Variants in STXBP5 observed in about 807,000 individuals in gnomAD.
The protein encoded by STXBP5 is syntaxin binding protein 5.
In STXBP5, 50 loss-of-function variants were observed where a neutral mutation model predicts 152.4. The ratio of observed to expected loss-of-function variants is 0.33; its 90% confidence interval spans 0.26 to 0.42. The LOEUF (loss-of-function observed/expected upper bound fraction) is 0.42. Among genes scored for constraint, STXBP5 ranks in the 10% least tolerant of loss-of-function variants. The pLI is 1.00. For synonymous variants in STXBP5, 492 were observed against 494.7 expected (o/e 0.99, Z 0.07); for missense variants, 1,167 against 1,388.6 (o/e 0.84, Z 2.54).
intron 9 of STXBP5, among the ~76,000 whole-genome samples, chr6:147,308,287 T>A (rs1782197646): frequency 6.6e-6 from 1 of 152,312 alleles, no homozygotes; most frequent in East Asian, 1.9e-4. Flanking sequence ...ATAATTGCAG[T>A]ATGCTGAGAG....
At chr6:147,263,442 T>G (rs1779741422) in intron 6 of STXBP5, among the ~76,000 whole-genome samples, 1 of 151,714 alleles carries the variant, frequency 6.6e-6, no homozygotes, top group Admixed American at 6.6e-5. Context: ...TCCTCCTGCC[T>G]TGTAATCCCA....
At chr6:147,264,162 T>G (rs969853235) in intron 6 of STXBP5, among the ~76,000 whole-genome samples, 7 of 152,000 alleles carry the variant, frequency 4.6e-5, no homozygotes, top group Admixed American at 4.6e-4. Flanking sequence ...GACTCTTTCC[T>G]GTTTGCAAAG....
intron 10 of STXBP5, among the ~76,000 whole-genome samples, chr6:147,310,584 A>G (rs542265815): frequency 5.2e-4 from 79 of 152,154 alleles, no homozygotes; most frequent in African/African-American, 1.9e-3. Flanking sequence ...ATTGGCTCAC[A>G]CTGTTGTGGG....
At chr6:147,222,737 C>T (rs555924730) in intron 2 of STXBP5, among the ~76,000 whole-genome samples, 10 of 152,330 alleles carry the variant, frequency 6.6e-5, no homozygotes, top group African/African-American at 2.4e-4. Context: ...CTTCCCTCTG[C>T]TGGTAGCATG....
At chr6:147,302,617 C>A (rs1192827290) in intron 9 of STXBP5, among the ~76,000 whole-genome samples, 4 of 151,788 alleles carry the variant, frequency 2.6e-5, no homozygotes, top group African/African-American at 9.7e-5. Context: ...GAGTTTGAGA[C>A]CAGCCTGGCC....
Position 147,364,077 on chromosome 6 carries a change from T to C in STXBP5, c.2992T>C (p.Phe998Leu), listed in dbSNP as rs1258487302. ...TNMRIARTFC[F>L]TNNGQALYLV... Reference sequence around the variant, plus strand: ...TATGCGGATAGCCAGAACGTTCTGCTTTACCAACAATGGACAAGCATTATA... The same window carrying C: ...TATGCGGATAGCCAGAACGTTCTGCCTTACCAACAATGGACAAGCATTATA... Residue 998 changes from phenylalanine (F) to leucine (L), a missense_variant, in exon 25 of 28, where the codon TTT becomes CTT. By Grantham distance (22) the Phe-to-Leu change is conservative. Transcript: ENST00000321680. The C allele has an allele frequency of 1.2e-6, 2 of 1,613,952 alleles. No homozygotes were observed. Among genetic ancestry groups the C allele is most frequent in the Non-Finnish European group, 1.7e-6 (2 of 1,180,004 alleles).
chr6:147,249,274 G>A (rs886279334), intron 4 of STXBP5, among the ~76,000 whole-genome samples: 29 of 152,178 alleles, frequency 1.9e-4, no homozygotes, highest in South Asian at 4.1e-4. Flanking sequence ...AATACACCTG[G>A]TATTAGTTTG....
chr6:147,377,748 A>G (rs1183011951), intron 26 of STXBP5, among the ~76,000 whole-genome samples: 1 of 152,148 alleles, frequency 6.6e-6, no homozygotes, highest in Non-Finnish European at 1.5e-5. Flanking sequence ...TTCTGACATT[A>G]CATTAGGGAA....
chr6:147,243,665 A>G (rs934736630), intron 4 of STXBP5, among the ~76,000 whole-genome samples: 2 of 152,156 alleles, frequency 1.3e-5, no homozygotes, highest in Admixed American at 1.3e-4. Context: ...CAAGATCACT[A>G]CCTAGATTGC....
chr6:147,324,922 A>T, intron 16 of STXBP5, 37 bp from the exon 17 acceptor site: 1 of 1,428,400 alleles, frequency 7.0e-7, no homozygotes, highest in East Asian at 2.5e-5. Context: ...CAATAGTTGA[A>T]AATGGTTTAA....
chr6:147,236,239 A>G (rs1287258052), intron 3 of STXBP5, among the ~76,000 whole-genome samples: 1 of 152,184 alleles, frequency 6.6e-6, no homozygotes, highest in Non-Finnish European at 1.5e-5. Context: ...AGATTTTTCA[A>G]GGTCAGAGGA....
intron 26 of STXBP5, among the ~76,000 whole-genome samples, chr6:147,382,413 A>G (rs1403061168): frequency 3.3e-5 from 5 of 152,126 alleles, no homozygotes; most frequent in African/African-American, 1.2e-4. Context: ...TTAAATCTGT[A>G]TATTCGAAGC....
intron 19 of STXBP5, among the ~76,000 whole-genome samples, chr6:147,336,912 TTTAG>T (rs959113493): frequency 2.0e-5 from 3 of 152,020 alleles, no homozygotes; most frequent in African/African-American, 4.8e-5. Flanking sequence ...ATCTCAACTG[TTTAG>T]TTAATTAAAA....
chr6:147,278,057 A>G (rs750511034), intron 7 of STXBP5, 24 bp from the exon 8 acceptor site: 2 of 1,583,396 alleles, frequency 1.3e-6, no homozygotes, highest in South Asian at 1.2e-5. Context: ...GATTTTTTAA[A>G]TGGTATTTTT....
At chr6:147,258,859 A>G (rs892540890) in intron 4 of STXBP5, among the ~76,000 whole-genome samples, 2 of 152,226 alleles carry the variant, frequency 1.3e-5, no homozygotes, top group Non-Finnish European at 2.9e-5. Context: ...CCATAAGGTA[A>G]GGATTTTAAT....
chr6:147,344,802 C>CTTAT (rs199655508), intron 21 of STXBP5, among the ~76,000 whole-genome samples: 1 of 151,840 alleles, frequency 6.6e-6, no homozygotes, highest in Non-Finnish European at 1.5e-5. Flanking sequence ...TTCCGTAACA[C>CTTAT]TGTGTTAGGT....
rs1582859775 is a variant in STXBP5 at position 147,262,360 on chromosome 6, T to C, written c.630+7T>C. ...TCCAATGGACGAGGGAAAGGTAGAA[T>C]TTTTTGTAAAAAATTATATATTAAA... is the stretch of plus-strand genomic sequence containing the variant. On this transcript the variant is annotated splice_region_variant and intron_variant, in intron 6 of 27. Coordinates refer to ENST00000321680, the MANE Select transcript of STXBP5 (RefSeq NM_001127715.4). 6.5e-7 allele frequency: 1 copy of C among 1,539,166 alleles called. No homozygotes were observed. Among genetic ancestry groups the C allele is most frequent in the Non-Finnish European group, 8.8e-7 (1 of 1,142,036 alleles).
At chr6:147,209,331 A>T (rs1776733277) in intron 2 of STXBP5, among the ~76,000 whole-genome samples, 1 of 152,062 alleles carries the variant, frequency 6.6e-6, no homozygotes, top group Non-Finnish European at 1.5e-5. Flanking sequence ...TGAGGCATGG[A>T]TTGTCTTTTA....
chr6:147,310,434 A>C (rs1452074322), intron 10 of STXBP5, among the ~76,000 whole-genome samples, 196 bp downstream of exon 10: 1 of 152,212 alleles, frequency 6.6e-6, no homozygotes, highest in Non-Finnish European at 1.5e-5. Context: ...GAATAAAAAA[A>C]CGCTATTCAT....
Sources: gnomAD v4.1 joint callset for allele counts (sites outside exome capture counted in the v4.1 genomes callset) on GRCh38, gnomAD v4.1.1 for gene constraint, MANE v1.5 for transcripts, NCBI Gene and HGNC (gene_info 2026-07-23, HGNC 2026-07-21) for gene names.